CAMSAP1: variants seen among roughly 807,000 people sequenced by gnomAD.
The protein encoded by CAMSAP1 is calmodulin-regulated spectrin-associated protein 1.
Under a neutral mutation model 143.5 loss-of-function variants are expected in CAMSAP1, and 58 were observed. The ratio of observed to expected loss-of-function variants is 0.40; its 90% CI spans 0.33 to 0.50. The LOEUF is 0.50. CAMSAP1 is among the 20% of genes least tolerant of loss of function. CAMSAP1 has a pLI of 0.45. For synonymous variants in CAMSAP1, 945 were observed against 859.3 expected (o/e 1.10, Z -1.74); for missense variants, 1,969 against 2,115.7 (o/e 0.93, Z 1.36).
intron 3 of CAMSAP1, among the ~76,000 whole-genome samples, chr9:135,881,421 A>T (rs990896293): frequency 6.6e-6 from 1 of 152,030 alleles, no homozygotes; most frequent in Non-Finnish European, 1.5e-5. Flanking sequence ...TCAGATATAA[A>T]TTCATCACCC....
chr9:135,836,551 C>T, intron 7 of CAMSAP1: 1 of 983,082 alleles, frequency 1.0e-6, no homozygotes, highest in African/African-American at 1.8e-5. Flanking sequence ...TACCTTCTAC[C>T]CCGTTCTACA....
chr9:135,880,161 T>C (rs551232560), intron 3 of CAMSAP1, among the ~76,000 whole-genome samples: 1 of 152,194 alleles, frequency 6.6e-6, no homozygotes, highest in African/African-American at 2.4e-5. Context: ...ATTTGACTTT[T>C]GATCACAGGA....
chr9:135,892,885 T>C (rs563417189), intron 1 of CAMSAP1, among the ~76,000 whole-genome samples: 49 of 96,616 alleles, frequency 5.1e-4, no homozygotes, highest in Middle Eastern at 6.9e-3. Flanking sequence ...TCAGAAATTA[T>C]AGGCTGGGCA....
Position 135,824,992 on chromosome 9 carries a change from C to T in CAMSAP1, c.1224-112G>A. 1.2e-6 allele frequency: 1 copy of T among 842,868 alleles called. No homozygotes were observed. Among genetic ancestry groups the T allele is most frequent in the Admixed American group, 3.1e-5 (1 of 32,026 alleles). 52.2% of individuals were successfully genotyped at this position (842,868 alleles called of 1,614,324 possible). A position where few individuals can be genotyped will look rare whatever the true frequency, so the allele number is the denominator to read the frequency against. ...TGAATTCACACCAAGTTTTGAGAAACTCGGACTGTTTGGGAAAAAAATGAC... is the reference window on the plus strand; with the variant it reads ...TGAATTCACACCAAGTTTTGAGAAATTCGGACTGTTTGGGAAAAAAATGAC... On this transcript the variant is annotated intron_variant, in intron 8 of 16. Transcript: ENST00000389532. The surrounding 1 kb of genome is among the most constrained non-coding windows in gnomAD (Gnocchi z 4.1).
At chr9:135,888,255 A>T (rs1838186092) in intron 1 of CAMSAP1, among the ~76,000 whole-genome samples, 1 of 152,202 alleles carries the variant, frequency 6.6e-6, no homozygotes, top group South Asian at 2.1e-4. Flanking sequence ...CTCAGCTGTT[A>T]TTCCTTCCGT....
Position 135,882,792 on chromosome 9 carries a change from G to A in CAMSAP1, c.423+24C>T. The A allele has an allele frequency of 6.5e-7, 1 of 1,540,522 alleles. No homozygotes were observed. Among genetic ancestry groups the A allele is most frequent in the Non-Finnish European group, 8.8e-7 (1 of 1,141,960 alleles). On this transcript the variant is annotated intron_variant, in intron 2 of 16. Coordinates refer to ENST00000389532, the MANE Select transcript of CAMSAP1 (RefSeq NM_015447.4). This position sits in a 1 kb window ranked among gnomAD's most constrained non-coding sequence, Gnocchi z 4.9. Reference sequence around the variant, plus strand: ...CACGGCTCCAGAGGATGGCCCCTGGGGGCGGCCACCGCAGACCACTCACCA... The same window carrying A: ...CACGGCTCCAGAGGATGGCCCCTGGAGGCGGCCACCGCAGACCACTCACCA...
At position 135,821,287 on chromosome 9, in the gene CAMSAP1, G is replaced by A; in HGVS notation, c.3374C>T (p.Pro1125Leu). ...CAAGTGCGGGAGCGTCTCTACACTG[G>A]GCGTTGGGGTTTTACTTCGGGAGGA... is the stretch of plus-strand genomic sequence containing the variant. ...QGSSRSKTPT[P>L]SVETLPHLRP... is the part of the protein sequence containing the mutation. The change falls in exon 11 of 17, where the codon CCC (proline) becomes CTC (leucine). Residue 1125 changes from proline to leucine, a missense_variant. Pro to Leu is a moderately conservative substitution (Grantham distance 98, BLOSUM62 -3). Transcript: ENST00000389532. The surrounding 1 kb of genome is among the most constrained non-coding windows in gnomAD (Gnocchi z 4.6). The A allele has an allele frequency of 6.2e-7, 1 of 1,611,396 alleles. No homozygotes were observed. The highest frequency in any genetic ancestry group is 1.3e-5 in the African/African-American group (1 of 75,072).
intron 3 of CAMSAP1, among the ~76,000 whole-genome samples, chr9:135,875,566 A>C (rs1315966768): frequency 6.6e-6 from 1 of 152,218 alleles, no homozygotes; most frequent in Non-Finnish European, 1.5e-5. Flanking sequence ...ACATTGTCCA[A>C]TTTCAAGTAT....
chr9:135,822,916 G>T lies in CAMSAP1; in HGVS notation c.1745C>A (p.Thr582Asn). ...AAAACTGTCAGGCTTACTTTCCGAG[G>T]TGTCCAGCTGTCCTTGGGGAGACCG... ...NARSPQGQLD[T>N]SESKPDSFFL... Residue 582 changes from threonine (T) to asparagine (N), a missense_variant, in exon 11 of 17, where the codon ACC (threonine) becomes AAC (asparagine). By Grantham distance (65) the Thr-to-Asn change is moderately conservative. Coordinates refer to ENST00000389532, the MANE Select transcript of CAMSAP1 (RefSeq NM_015447.4). This position sits in a 1 kb window ranked among gnomAD's most constrained non-coding sequence, Gnocchi z 6.1. 4 of 1,613,972 alleles carry T rather than the reference G, an allele frequency of 2.5e-6. No homozygotes were observed. Among genetic ancestry groups the T allele is most frequent in the Non-Finnish European group, 3.4e-6 (4 of 1,179,886 alleles).
intron 3 of CAMSAP1, among the ~76,000 whole-genome samples, chr9:135,868,155 A>G (rs1218873933): frequency 6.6e-6 from 1 of 151,336 alleles, no homozygotes; most frequent in Non-Finnish European, 1.5e-5. Context: ...GAGAGAATTC[A>G]GTAGAACTGC....
Position 135,824,923 on chromosome 9 carries a change from AAC to A in CAMSAP1, c.1224-45_1224-44del, listed in dbSNP as rs1564423892. On this transcript the variant is annotated intron_variant, in intron 8 of 16. Coordinates refer to ENST00000389532, the MANE Select transcript of CAMSAP1 (RefSeq NM_015447.4). The surrounding 1 kb of genome is among the most constrained non-coding windows in gnomAD (Gnocchi z 4.1). ...TACAGGGAAAATCATTCCTTTATCA[AAC>A]TTCAAGGTCAACAGCAAATGCACAA... 6.8e-7 allele frequency: 1 copy of A among 1,476,804 alleles called. No individual in the cohort carries two copies. The highest frequency in any genetic ancestry group is 1.4e-5 in the African/African-American group (1 of 71,558). The allele number at this position is 1,476,804 out of a possible 1,614,324, so 91.5% of individuals were successfully genotyped here. A position where few individuals can be genotyped will look rare whatever the true frequency, so the allele number is the denominator to read the frequency against.
At chr9:135,890,727 G>A (rs370128761) in intron 1 of CAMSAP1, among the ~76,000 whole-genome samples, 4 of 152,170 alleles carry the variant, frequency 2.6e-5, no homozygotes, top group East Asian at 3.9e-4. Context: ...GGAAGCCAAC[G>A]GAAACTCCCC....
chr9:135,904,816 C>A (rs1011563205), intron 1 of CAMSAP1, among the ~76,000 whole-genome samples: 1 of 152,104 alleles, frequency 6.6e-6, no homozygotes, highest in African/African-American at 2.4e-5. Context: ...AATACAAAAA[C>A]TGGCCGGGAG....
Position 135,818,585 on chromosome 9 carries a change from C to A in CAMSAP1, c.3991G>T (p.Glu1331Ter). 6.2e-7 allele frequency: 1 copy of A among 1,613,390 alleles called. No homozygotes were observed. Among genetic ancestry groups the A allele is most frequent in the Non-Finnish European group, 8.5e-7 (1 of 1,179,830 alleles). ...AGCTCGCGCCGCGCCTTCTCCTCCTCCTTCCGCACCCGGTCTTCCTCAGCT... is the reference window on the plus strand; with the variant it reads ...AGCTCGCGCCGCGCCTTCTCCTCCTACTTCCGCACCCGGTCTTCCTCAGCT... Reference protein sequence around the residue: ...RKAEEDRVRKEEEKARRELIK... With the variant: ...RKAEEDRVRK The change falls in exon 13 of 17, where the codon GAG becomes TAG. Residue 1331 changes from glutamate (E) to a stop codon, truncating the protein, a stop_gained. Coordinates refer to ENST00000389532, the MANE Select transcript of CAMSAP1 (RefSeq NM_015447.4). LOFTEE classifies it high-confidence loss of function. The surrounding 1 kb of genome is among the most constrained non-coding windows in gnomAD (Gnocchi z 7.7).
At position 135,824,678 on chromosome 9, in the gene CAMSAP1, C is replaced by CA. The variant is rs2131669017; in HGVS notation, c.1315+110dup. On this transcript the variant is annotated intron_variant, in intron 9 of 16. Coordinates refer to ENST00000389532, the MANE Select transcript of CAMSAP1 (RefSeq NM_015447.4). The surrounding 1 kb of genome is among the most constrained non-coding windows in gnomAD (Gnocchi z 4.1). ...GACTCCATCTCAAAAAACAAACAAA[C>CA]AAACAAAAAAATCACTACATCAGAT... The CA allele has an allele frequency of 5.7e-6, 5 of 881,950 alleles. No individual in the cohort carries two copies. The South Asian group carries it at 5.8e-5, about 10-fold the overall frequency. 54.6% of individuals were successfully genotyped at this position (881,950 alleles called of 1,614,324 possible).
At chr9:135,815,075 G>A (rs770789031) in intron 16 of CAMSAP1, 22 bp downstream of exon 16, 7 of 1,515,480 alleles carry the variant, frequency 4.6e-6, no homozygotes, top group East Asian at 4.5e-5. Flanking sequence ...CATAAAAACT[G>A]AGGTTGAAAC....
intron 4 of CAMSAP1, among the ~76,000 whole-genome samples, chr9:135,864,261 G>C (rs1276146645): frequency 6.6e-6 from 1 of 152,174 alleles, no homozygotes; most frequent in Non-Finnish European, 1.5e-5. Context: ...ACTAAATCAC[G>C]TAAGTGCTTT....
chr9:135,811,670 G>T lies in CAMSAP1; in HGVS notation c.4507-59C>A. On this transcript the variant is annotated intron_variant, in intron 16 of 16. Transcript: ENST00000389532. The surrounding 1 kb of genome is among the most constrained non-coding windows in gnomAD (Gnocchi z 4.9). ...ACTTCAGGGCCACTCCAATTGCCAC[G>T]AGTTGGGCTCCCACAGCGGCTCAAC... 1 of 1,501,712 alleles carries T rather than the reference G, an allele frequency of 6.7e-7. No individual in the cohort carries two copies. The highest frequency in any genetic ancestry group is 9.0e-7 in the Non-Finnish European group (1 of 1,110,616). 93.0% of individuals were successfully genotyped at this position (1,501,712 alleles called of 1,614,324 possible).
intron 3 of CAMSAP1, among the ~76,000 whole-genome samples, chr9:135,867,046 A>ATTCTC: frequency 6.6e-6 from 1 of 152,196 alleles, no homozygotes. Context: ...AAATTTAAGT[A>ATTCTC]TTCTCTCCTG....
Sources: allele counts gnomAD v4.1 joint callset (sites outside exome capture counted in the v4.1 genomes callset), GRCh38; gene constraint gnomAD v4.1.1; non-coding constraint Gnocchi (gnomAD v3.1); transcripts MANE v1.5; gene names NCBI Gene and HGNC (gene_info 2026-07-23, HGNC 2026-07-21).